TENM2: variants seen among roughly 807,000 people sequenced by gnomAD.
TENM2 encodes the protein teneurin-2.
A neutral mutation model predicts 245.2 loss-of-function variants in TENM2; 52 were observed. The ratio of observed to expected loss-of-function variants is 0.21; its 90% CI spans 0.17 to 0.27. TENM2 has a LOEUF of 0.27. Ranked by LOEUF, TENM2 falls within the 10% of genes least tolerant of loss-of-function variation. TENM2 has a pLI of 1.00. For synonymous variants in TENM2, 1,363 were observed against 1,438.9 expected, an observed-to-expected ratio of 0.95 and a Z score of 1.19; for missense variants, 3,046 against 3,666.8, an observed-to-expected ratio of 0.83 and a Z score of 4.37.
intron 2 of TENM2, among the ~76,000 whole-genome samples, chr5:167,451,519 A>C (rs1248091169): frequency 6.6e-6 from 1 of 152,200 alleles, no homozygotes; most frequent in Non-Finnish European, 1.5e-5. Context: ...GAAACAGAAA[A>C]GAATAGTCCA....
At chr5:167,576,523 A>G (rs548267785) in intron 2 of TENM2, among the ~76,000 whole-genome samples, 1 of 152,188 alleles carries the variant, frequency 6.6e-6, no homozygotes, top group Admixed American at 6.5e-5. Flanking sequence ...AAATTATGAG[A>G]TTGTTCTCTT....
intron 2 of TENM2, among the ~76,000 whole-genome samples, chr5:167,869,056 A>G (rs1772583973): frequency 6.6e-6 from 1 of 152,190 alleles, no homozygotes; most frequent in South Asian, 2.1e-4. Flanking sequence ...CCCAAATAGT[A>G]GAGTAAGTGG....
At chr5:167,498,358 G>A (rs574237242) in intron 2 of TENM2, among the ~76,000 whole-genome samples, 6 of 152,158 alleles carry the variant, frequency 3.9e-5, no homozygotes, top group South Asian at 2.1e-4. Flanking sequence ...GAATTCTTAC[G>A]TCAATGATCA....
chr5:168,052,251 CG>C, intron 6 of TENM2, among the ~76,000 whole-genome samples: 1 of 151,904 alleles, frequency 6.6e-6, no homozygotes, highest in South Asian at 2.1e-4. Context: ...GTTAGCCAGG[CG>C]GGGTGGTGGG....
Position 168,262,238 on chromosome 5 carries a change from G to A in TENM2, c.7753G>A (p.Val2585Met), listed in dbSNP as rs60051254. The A allele has an allele frequency of 1.8e-3, 2,939 of 1,605,132 alleles. 46 individuals carry two copies. The African/African-American group carries it at 0.032, about 17-fold the overall frequency. The change falls in exon 29 of 29, where the codon GTG (valine) becomes ATG (methionine). Residue 2585 changes from valine (V) to methionine (M), a missense_variant. Transcript: ENST00000518659. Reference sequence around the variant, plus strand: ...CAAAGAAGGGCGGGTGACCACGGGCGTGTCCAGCATCGCCAGCGAAGATAG... The same window carrying A: ...CAAAGAAGGGCGGGTGACCACGGGCATGTCCAGCATCGCCAGCGAAGATAG...
intron 2 of TENM2, among the ~76,000 whole-genome samples, chr5:167,798,758 G>A (rs1765495361): frequency 6.6e-6 from 1 of 152,178 alleles, no homozygotes; most frequent in Non-Finnish European, 1.5e-5. Flanking sequence ...ACTGTCCTCA[G>A]AGGCTCTGTG....
the TENM2 span, among the ~76,000 whole-genome samples, chr5:167,149,309 T>G: frequency 2.0e-5 from 3 of 152,176 alleles, no homozygotes; most frequent in Non-Finnish European, 4.4e-5. Context: ...ATGAATTACT[T>G]CTTCAGTTGT....
At chr5:167,243,405 G>A in the TENM2 span, among the ~76,000 whole-genome samples, 1 of 152,060 alleles carries the variant, frequency 6.6e-6, no homozygotes, top group Non-Finnish European at 1.5e-5. Flanking sequence ...TGGGAACTGA[G>A]GATATTTCGA....
At chr5:167,439,796 C>A (rs1764780227) in intron 2 of TENM2, among the ~76,000 whole-genome samples, 1 of 152,136 alleles carries the variant, frequency 6.6e-6, no homozygotes, top group Admixed American at 6.5e-5. Context: ...GGCATTTTAT[C>A]CATATTCACC....
At chr5:167,360,311 CT>C (rs1759628759) in intron 1 of TENM2, among the ~76,000 whole-genome samples, 1 of 152,202 alleles carries the variant, frequency 6.6e-6, no homozygotes, top group Non-Finnish European at 1.5e-5. Context: ...AATAGAAGCT[CT>C]GTAAGGGCTT....
intron 2 of TENM2, among the ~76,000 whole-genome samples, chr5:167,857,538 C>T (rs757511978): frequency 6.6e-6 from 1 of 152,168 alleles, no homozygotes; most frequent in Non-Finnish European, 1.5e-5. Context: ...TACATTGGGT[C>T]TCTCTTTCCT....
intron 4 of TENM2, among the ~76,000 whole-genome samples, chr5:167,983,619 A>G (rs192661026): frequency 1.6e-3 from 244 of 152,330 alleles, no homozygotes; most frequent in African/African-American, 5.5e-3. Context: ...TTAGGGAACT[A>G]TGATATAAAA....
rs528891672 is a variant in TENM2, at chr5:167,319,470, A to G, written c.226+34407A>G. On this transcript the variant is annotated intron_variant, in intron 1 of 28. Coordinates refer to ENST00000518659, the Ensembl canonical transcript of TENM2. ...ATTATTATGTTAATTACATTTACCC[A>G]TACAACCTAGGATAGCTATAGGGGA... Among the ~76,000 whole-genome samples, 75 of 152,304 alleles carry G rather than the reference A, an allele frequency of 4.9e-4. No individual in the cohort carries two copies. In the South Asian group the frequency reaches 0.015, roughly 31 times the overall value.
chr5:168,008,924 G>A (rs932137242), intron 5 of TENM2, among the ~76,000 whole-genome samples: 3 of 152,134 alleles, frequency 2.0e-5, no homozygotes, highest in Non-Finnish European at 2.9e-5. Context: ...TCTTTATTAT[G>A]AGAGGGCCTT....
the TENM2 span, among the ~76,000 whole-genome samples, chr5:167,262,214 C>T: frequency 1.3e-5 from 2 of 152,082 alleles, no homozygotes; most frequent in Non-Finnish European, 2.9e-5. Flanking sequence ...CAAAATTAGC[C>T]TGGGGTGGTG....
chr5:167,970,664 T>C (rs1781711039), intron 4 of TENM2, among the ~76,000 whole-genome samples: 2 of 152,168 alleles, frequency 1.3e-5, no homozygotes, highest in African/African-American at 4.8e-5. Context: ...GTGAGACAGA[T>C]TGCAGGGGTC....
At chr5:168,217,240 G>T (rs990883043) in intron 22 of TENM2, among the ~76,000 whole-genome samples, 2 of 152,196 alleles carry the variant, frequency 1.3e-5, no homozygotes, top group Non-Finnish European at 2.9e-5. Context: ...CATTATTGCA[G>T]GTTTGAGAAT....
At chr5:168,137,270 G>A (rs1755136843) in intron 12 of TENM2, among the ~76,000 whole-genome samples, 1 of 152,220 alleles carries the variant, frequency 6.6e-6, no homozygotes, top group Non-Finnish European at 1.5e-5. Context: ...GGTTGGCCCA[G>A]AAGGGTCATC....
chr5:168,084,304 T>A (rs2152215077), intron 7 of TENM2, among the ~76,000 whole-genome samples: 1 of 152,334 alleles, frequency 6.6e-6, no homozygotes, highest in East Asian at 1.9e-4. Flanking sequence ...GAATGGTAGT[T>A]CTGTTTTAAG....
Sources: allele counts gnomAD v4.1 joint callset (sites outside exome capture counted in the v4.1 genomes callset), GRCh38; gene constraint gnomAD v4.1.1; transcripts MANE v1.5; gene names NCBI Gene and HGNC (gene_info 2026-07-23, HGNC 2026-07-21).